SPOPL: variants seen among roughly 807,000 people sequenced by gnomAD.
SPOPL encodes the protein speckle-type POZ protein-like.
A neutral mutation model predicts 53.8 loss-of-function variants in SPOPL; 23 were observed. The ratio of observed to expected loss-of-function variants is 0.43; its 90% CI spans 0.31 to 0.61. The LOEUF (loss-of-function observed/expected upper bound fraction) is 0.61. Among genes scored for constraint, SPOPL ranks in the 20% least tolerant of loss-of-function variants. SPOPL has a pLI of 0.12. For synonymous variants in SPOPL, 164 were observed against 149.7 expected (o/e 1.10, Z -0.70); for missense variants, 442 against 466.9 (o/e 0.95, Z 0.49).
intron 8 of SPOPL, among the ~76,000 whole-genome samples, chr2:138,564,219 A>G (rs1685610907): frequency 6.6e-6 from 1 of 152,222 alleles, no homozygotes; most frequent in Non-Finnish European, 1.5e-5. Flanking sequence ...GGTGAACCTT[A>G]TGTGTACTTT....
At chr2:138,512,530 C>G (rs1684347926) in intron 1 of SPOPL, among the ~76,000 whole-genome samples, 2 of 152,086 alleles carry the variant, frequency 1.3e-5, no homozygotes. Flanking sequence ...AATACCGAGA[C>G]AGTTTTTGTA....
At chr2:138,549,290 ATC>A (rs1685263347) in intron 1 of SPOPL, among the ~76,000 whole-genome samples, 1 of 151,984 alleles carries the variant, frequency 6.6e-6, no homozygotes, top group Non-Finnish European at 1.5e-5. Context: ...AATATCCTTT[ATC>A]TCTCATAACA....
At chr2:138,520,633 C>T (rs143662397) in intron 1 of SPOPL, among the ~76,000 whole-genome samples, 1,526 of 152,218 alleles carry the variant, frequency 0.01, 13 homozygotes, top group Non-Finnish European at 0.014. Flanking sequence ...TTCTACATGG[C>T]CTACATTAGT....
At chr2:138,551,110 T>A in intron 4 of SPOPL, 56 bp downstream of exon 4, 2 of 1,578,272 alleles carry the variant, frequency 1.3e-6, no homozygotes, top group South Asian at 2.3e-5. Flanking sequence ...TATTATGACT[T>A]CTTCTGCACC....
At chr2:138,517,750 A>G (rs1482165423) in intron 1 of SPOPL, among the ~76,000 whole-genome samples, 2 of 151,612 alleles carry the variant, frequency 1.3e-5, no homozygotes, top group Non-Finnish European at 2.9e-5. Flanking sequence ...AAAAAAAAAA[A>G]AAAATCTGAC....
intron 1 of SPOPL, among the ~76,000 whole-genome samples, chr2:138,524,555 T>G (rs1684628841): frequency 6.6e-6 from 1 of 152,228 alleles, no homozygotes; most frequent in Non-Finnish European, 1.5e-5. Flanking sequence ...CTTTCCCTTA[T>G]AAAACTGAAT....
In SPOPL at chr2:138,569,928, C is replaced by T. The variant is rs1437730191; in HGVS notation, c.*848C>T. Reference sequence around the variant, plus strand: ...TAAGAAAGATACATATGCACTTTTACTGTGTAACTTTTGTATGCTGAATGG... The same window carrying T: ...TAAGAAAGATACATATGCACTTTTATTGTGTAACTTTTGTATGCTGAATGG... On this transcript the variant is annotated 3_prime_UTR_variant, in exon 11 of 11. Transcript: ENST00000280098. 6.6e-6 allele frequency: 1 copy of T among 152,478 alleles called. No homozygotes were observed. Among genetic ancestry groups the T allele is most frequent in the Non-Finnish European group, 1.5e-5 (1 of 67,992 alleles). 9.4% of individuals were successfully genotyped at this position (152,478 alleles called of 1,614,324 possible). A position where few individuals can be genotyped will look rare whatever the true frequency, so the allele number is the denominator to read the frequency against.
intron 10 of SPOPL, among the ~76,000 whole-genome samples, chr2:138,567,372 AGTGTGTGT>A (rs57208490): frequency 0.089 from 10,070 of 112,828 alleles, 541 homozygotes; most frequent in South Asian, 0.1. Context: ...AGAGCAGTAT[AGTGTGTGT>A]GTGTGTGTGT....
intron 1 of SPOPL, among the ~76,000 whole-genome samples, chr2:138,533,752 T>A (rs1684864837): frequency 6.6e-6 from 1 of 152,122 alleles, no homozygotes; most frequent in South Asian, 2.1e-4. Context: ...AGTATTTTGT[T>A]ATAACATCCT....
chr2:138,514,537 T>A (rs1265384718), intron 1 of SPOPL, among the ~76,000 whole-genome samples: 1 of 152,196 alleles, frequency 6.6e-6, no homozygotes, highest in Non-Finnish European at 1.5e-5. Context: ...AATAGTTTAT[T>A]CTCACTGCTT....
rs755291990 is a variant in SPOPL, at chr2:138,550,997, C to T, written c.295C>T (p.Arg99Ter). The T allele has an allele frequency of 3.7e-6, 6 of 1,613,168 alleles. No individual in the cohort carries two copies. The highest frequency in any genetic ancestry group is 1.3e-5 in the African/African-American group (1 of 74,840). ...AGTCAGCTGCCCCAAAAGTGAAGTT[C>T]GAGCAAAATTCAAATTTTCCCTTCT... ...LLVSCPKSEV[R>*]AKFKFSLLNA... Residue 99 changes from arginine to a stop codon, truncating the protein, a stop_gained, in exon 4 of 11, where the codon CGA (arginine) becomes TGA (stop). Transcript: ENST00000280098. LOFTEE classifies it high-confidence loss of function.
chr2:138,540,621 A>G (rs1261546569), intron 1 of SPOPL, among the ~76,000 whole-genome samples: 2 of 152,204 alleles, frequency 1.3e-5, no homozygotes, highest in African/African-American at 4.8e-5. Context: ...GAAGTTGCTT[A>G]TCAGCTTAAG....
intron 1 of SPOPL, among the ~76,000 whole-genome samples, chr2:138,524,603 G>T (rs1366160601): frequency 1.3e-5 from 2 of 152,158 alleles, no homozygotes; most frequent in Non-Finnish European, 2.9e-5. Flanking sequence ...TCAATGGTTT[G>T]CTGCTTAGAA....
chr2:138,535,907 G>A (rs1470989907), intron 1 of SPOPL, among the ~76,000 whole-genome samples: 2 of 151,794 alleles, frequency 1.3e-5, no homozygotes, highest in Non-Finnish European at 1.5e-5. Context: ...CATATCTACT[G>A]TTGACCTCCT....
intron 10 of SPOPL, among the ~76,000 whole-genome samples, chr2:138,568,729 G>T (rs1166909906): frequency 6.6e-6 from 1 of 152,028 alleles, no homozygotes; most frequent in Non-Finnish European, 1.5e-5. Context: ...TAAGGGAGCC[G>T]AACTTCCAGA....
At chr2:138,523,008 T>A (rs1481359694) in intron 1 of SPOPL, among the ~76,000 whole-genome samples, 1 of 152,206 alleles carries the variant, frequency 6.6e-6, no homozygotes, top group Non-Finnish European at 1.5e-5. Flanking sequence ...TATACTTAGG[T>A]AATACCACAG....
chr2:138,551,991 G>T (rs891592935), intron 4 of SPOPL, among the ~76,000 whole-genome samples: 4 of 151,982 alleles, frequency 2.6e-5, no homozygotes, highest in Non-Finnish European at 5.9e-5. Context: ...GGGAGAGGAG[G>T]TTATGTCTAG....
chr2:138,547,787 G>T (rs1685229547), intron 1 of SPOPL, among the ~76,000 whole-genome samples: 1 of 152,008 alleles, frequency 6.6e-6, no homozygotes, highest in African/African-American at 2.4e-5. Flanking sequence ...GCCTCCACCT[G>T]CCAGTCTGTT....
intron 1 of SPOPL, among the ~76,000 whole-genome samples, chr2:138,528,933 A>C (rs958576121): frequency 3.9e-5 from 6 of 152,166 alleles, no homozygotes; most frequent in Non-Finnish European, 8.8e-5. Flanking sequence ...TTGAGAATCA[A>C]TTAGATAAAT....
Sources: gnomAD v4.1 joint callset for allele counts (sites outside exome capture counted in the v4.1 genomes callset) on GRCh38, gnomAD v4.1.1 for gene constraint, MANE v1.5 for transcripts, NCBI Gene and HGNC (gene_info 2026-07-23, HGNC 2026-07-21) for gene names.